MSRB3: variants seen among roughly 807,000 people sequenced by gnomAD.
MSRB3 encodes the protein methionine sulfoxide reductase B3.
Under a neutral mutation model 21.0 loss-of-function variants are expected in MSRB3, and 13 were observed. That is an observed-to-expected ratio of 0.62 (90% CI 0.40 to 0.98). MSRB3 has a LOEUF of 0.98. Ranked by LOEUF, MSRB3 falls within the 50% of genes least tolerant of loss-of-function variation. The probability of loss-of-function intolerance (pLI) is 0.00; values close to 1 mark genes in which losing one functional copy is unlikely to be tolerated. For missense variants in MSRB3, 199 were observed against 230.3 expected (o/e 0.86, Z 0.88); for synonymous variants, 87 against 88.6 (o/e 0.98, Z 0.10).
intron 4 of MSRB3, among the ~76,000 whole-genome samples, 161 bp from the exon 5 acceptor site, chr12:65,368,837 G>T (rs1472177366): frequency 6.6e-6 from 1 of 151,022 alleles, no homozygotes; most frequent in Non-Finnish European, 1.5e-5. Flanking sequence ...GGTAATGCAT[G>T]CATATAAAAT....
At chr12:65,443,376 A>G (rs1204234905) in intron 5 of MSRB3, among the ~76,000 whole-genome samples, 1 of 152,148 alleles carries the variant, frequency 6.6e-6, no homozygotes, top group Non-Finnish European at 1.5e-5. Flanking sequence ...AATTTTTTGA[A>G]GAAATGCACT....
At position 65,367,248 on chromosome 12, in the gene MSRB3, G is replaced by A. The variant is rs954248089; in HGVS notation, c.264-1750G>A. 2.0e-5 allele frequency among the ~76,000 whole-genome samples: 3 copies of A among 152,322 alleles called. No homozygotes were observed. The South Asian group carries it at 6.2e-4, about 32-fold the overall frequency. On this transcript the variant is annotated intron_variant, in intron 4 of 6. Transcript: ENST00000308259. ...GATGAAAGAGGGATAACAAAGCAAGGCACAGATTTGAAGGAGGCCTTTAAA... is the reference window on the plus strand; with the variant it reads ...GATGAAAGAGGGATAACAAAGCAAGACACAGATTTGAAGGAGGCCTTTAAA...
intron 5 of MSRB3, among the ~76,000 whole-genome samples, chr12:65,380,757 A>G (rs1461930900): frequency 5.9e-5 from 9 of 152,196 alleles, no homozygotes; most frequent in Non-Finnish European, 1.2e-4. Flanking sequence ...ATAAATGAAT[A>G]GACCAAAGCA....
intron 5 of MSRB3, chr12:65,418,884 A>T: frequency 1.3e-6 from 1 of 741,642 alleles, no homozygotes; most frequent in Non-Finnish European, 2.4e-6. Flanking sequence ...GATACATGGC[A>T]ATCTCAGCCT....
intron 1 of MSRB3, among the ~76,000 whole-genome samples, chr12:65,300,886 A>C (rs2136410968): frequency 6.6e-6 from 1 of 152,272 alleles, no homozygotes; most frequent in South Asian, 2.1e-4. Context: ...GAAGCAATAC[A>C]CATAATCATT....
intron 6 of MSRB3, 55 bp downstream of exon 6, chr12:65,453,880 G>A: frequency 7.1e-7 from 1 of 1,417,424 alleles, no homozygotes; most frequent in Non-Finnish European, 1.0e-6. Context: ...TCCTGGTTGT[G>A]CTAAATATAG....
Position 65,279,094 on chromosome 12 carries a change from C to A in MSRB3, c.-52+229C>A, listed in dbSNP as rs957721213. 9.3e-6 allele frequency: 13 copies of A among 1,391,376 alleles called. No individual in the cohort carries two copies. In the African/African-American group the frequency reaches 1.7e-4, roughly 18 times the overall value. The allele number at this position is 1,391,376 out of a possible 1,614,324, so 86.2% of individuals were successfully genotyped here. A position where few individuals can be genotyped will look rare whatever the true frequency, so the allele number is the denominator to read the frequency against. On this transcript the variant is annotated intron_variant, in intron 1 of 6. Coordinates refer to ENST00000308259, the MANE Select transcript of MSRB3 (RefSeq NM_001031679.3). The stretch of plus-strand genomic sequence containing the variant: ...GAGGTCAGGGCTGGTTTCCCCCCAC[C>A]CGCCGAAGGGAGGCGTCTGGCAGCC...
At chr12:65,382,705 T>C (rs973875557) in intron 5 of MSRB3, among the ~76,000 whole-genome samples, 1 of 151,946 alleles carries the variant, frequency 6.6e-6, no homozygotes. Flanking sequence ...TGGGGCTTTT[T>C]TTGTTGTTTT....
chr12:65,310,554 C>G (rs1267784011), intron 2 of MSRB3, among the ~76,000 whole-genome samples: 1 of 152,078 alleles, frequency 6.6e-6, no homozygotes, highest in Non-Finnish European at 1.5e-5. Flanking sequence ...TGTAAAAGTA[C>G]CCAGCATAGT....
intron 5 of MSRB3, among the ~76,000 whole-genome samples, chr12:65,422,816 T>C (rs1053407784): frequency 1.3e-5 from 2 of 152,070 alleles, no homozygotes; most frequent in African/African-American, 4.8e-5. Context: ...TTATTGTAAA[T>C]GGAATAGTTT....
intron 5 of MSRB3, among the ~76,000 whole-genome samples, chr12:65,376,953 T>A (rs1046423580): frequency 6.6e-6 from 1 of 152,200 alleles, no homozygotes; most frequent in Non-Finnish European, 1.5e-5. Context: ...CTCCCTCATA[T>A]CTCATAGCTT....
At chr12:65,439,625 A>G (rs532142003) in intron 5 of MSRB3, among the ~76,000 whole-genome samples, 2 of 151,750 alleles carry the variant, frequency 1.3e-5, no homozygotes, top group Non-Finnish European at 3.0e-5. Flanking sequence ...ATCTAACTCT[A>G]TGGGGTACAA....
chr12:65,299,643 A>G (rs1382652358), intron 1 of MSRB3, among the ~76,000 whole-genome samples: 2 of 152,188 alleles, frequency 1.3e-5, no homozygotes, highest in Non-Finnish European at 2.9e-5. Context: ...AGGGGGTTCT[A>G]TTACTAATAA....
intron 5 of MSRB3, chr12:65,419,412 G>T (rs969503744): frequency 2.7e-6 from 2 of 748,202 alleles, no homozygotes; most frequent in Non-Finnish European, 4.9e-6. Flanking sequence ...TGAGAGTCTC[G>T]ATCTCTGTCT....
At chr12:65,449,052 G>A (rs1485966292) in intron 5 of MSRB3, among the ~76,000 whole-genome samples, 8 of 151,958 alleles carry the variant, frequency 5.3e-5, no homozygotes, top group Non-Finnish European at 1.0e-4. Context: ...TTTTTGAGAC[G>A]GAGTCTTGCT....
At chr12:65,301,026 A>G (rs549752018) in intron 1 of MSRB3, among the ~76,000 whole-genome samples, 37 of 152,316 alleles carry the variant, frequency 2.4e-4, no homozygotes, top group Non-Finnish European at 4.4e-4. Context: ...CAGAGTAATA[A>G]TGACTACTAC....
intron 5 of MSRB3, among the ~76,000 whole-genome samples, chr12:65,395,893 T>C (rs1440887497): frequency 6.6e-6 from 1 of 152,192 alleles, no homozygotes; most frequent in Non-Finnish European, 1.5e-5. Flanking sequence ...TCCTTCTCAC[T>C]TTTTATCTTA....
intron 1 of MSRB3, among the ~76,000 whole-genome samples, chr12:65,295,206 T>C (rs1872890425): frequency 6.6e-6 from 1 of 152,188 alleles, no homozygotes; most frequent in African/African-American, 2.4e-5. Context: ...TCTAAAAACA[T>C]CATTGAGCCT....
intron 1 of MSRB3, among the ~76,000 whole-genome samples, chr12:65,281,435 C>T (rs1872012441): frequency 6.6e-6 from 1 of 152,168 alleles, no homozygotes; most frequent in Non-Finnish European, 1.5e-5. Flanking sequence ...GATTGTCAGC[C>T]TGTGACTTGC....
Sources: gnomAD v4.1 joint callset for allele counts (sites outside exome capture counted in the v4.1 genomes callset) on GRCh38, gnomAD v4.1.1 for gene constraint, MANE v1.5 for transcripts, NCBI Gene and HGNC (gene_info 2026-07-23, HGNC 2026-07-21) for gene names.